Variants in IMMP2L observed in about 807,000 individuals in gnomAD.
The protein encoded by IMMP2L is mitochondrial inner membrane protease subunit 2.
Under a neutral mutation model 19.3 loss-of-function variants are expected in IMMP2L, and 18 were observed. The observed-to-expected ratio is 0.93, with a 90% CI of 0.64 to 1.38. The LOEUF (loss-of-function observed/expected upper bound fraction) is 1.38. Ranked by LOEUF, IMMP2L falls within the 40% of genes most tolerant of loss-of-function variation. The pLI is 0.00. For missense variants in IMMP2L, 233 were observed against 218.2 expected (o/e 1.07, Z -0.43); for synonymous variants, 76 against 73.0 (o/e 1.04, Z -0.21).
At chr7:110,851,928 T>A (rs1184998522) in intron 5 of IMMP2L, among the ~76,000 whole-genome samples, 1 of 152,102 alleles carries the variant, frequency 6.6e-6, no homozygotes, top group South Asian at 2.1e-4. Flanking sequence ...AGAGCTGGAG[T>A]CTACATCCCT....
intron 3 of IMMP2L, among the ~76,000 whole-genome samples, chr7:111,016,691 TTCTATATTATATATAATTTTA>T (rs1382281951): frequency 1.9e-5 from 2 of 103,954 alleles, no homozygotes; most frequent in African/African-American, 8.1e-5. Context: ...TAAATTATAT[TTCTATATTATATATAATTTTA>T]TATATATTTA....
intron 3 of IMMP2L, among the ~76,000 whole-genome samples, chr7:111,059,076 G>A (rs1489046168): frequency 2.0e-5 from 3 of 151,906 alleles, no homozygotes; most frequent in African/African-American, 7.3e-5. Context: ...TTTGCCTCCC[G>A]GGTTCAAGTG....
intron 3 of IMMP2L, among the ~76,000 whole-genome samples, chr7:111,268,592 T>C (rs1256177327): frequency 6.4e-5 from 6 of 93,992 alleles, no homozygotes; most frequent in African/African-American, 2.4e-4. Flanking sequence ...TTTTTTTTTT[T>C]TTTTTTTTTT....
intron 5 of IMMP2L, among the ~76,000 whole-genome samples, chr7:110,682,155 C>T (rs1171739683): frequency 6.6e-6 from 1 of 152,126 alleles, no homozygotes; most frequent in Admixed American, 6.6e-5. Flanking sequence ...TCACAGCACA[C>T]TCTGATCTCT....
chr7:111,480,787 A>G (rs1045020896), intron 3 of IMMP2L, among the ~76,000 whole-genome samples: 2 of 152,114 alleles, frequency 1.3e-5, no homozygotes, highest in Non-Finnish European at 2.9e-5. Context: ...ATAAGTATAC[A>G]CAATTATATT....
chr7:111,534,792 C>G (rs1323903328), intron 1 of IMMP2L, among the ~76,000 whole-genome samples: 1 of 152,134 alleles, frequency 6.6e-6, no homozygotes. Context: ...GTGAAAGTCT[C>G]ATTTGGTGGC....
intron 1 of IMMP2L, among the ~76,000 whole-genome samples, chr7:111,554,508 G>C (rs1468620235): frequency 6.6e-6 from 1 of 152,066 alleles, no homozygotes; most frequent in Non-Finnish European, 1.5e-5. Context: ...ATCACCTTTT[G>C]TGAGACCTTC....
At chr7:111,337,024 T>G (rs1166345777) in intron 3 of IMMP2L, among the ~76,000 whole-genome samples, 1 of 152,082 alleles carries the variant, frequency 6.6e-6, no homozygotes, top group Non-Finnish European at 1.5e-5. Flanking sequence ...AACTTTAAAT[T>G]TTAATCAAGT....
At chr7:110,755,730 A>G (rs1252815939) in intron 5 of IMMP2L, among the ~76,000 whole-genome samples, 1 of 152,086 alleles carries the variant, frequency 6.6e-6, no homozygotes, top group African/African-American at 2.4e-5. Context: ...TTAGAAGAGA[A>G]GCGGAAGTTT....
chr7:111,555,899 C>A (rs556100373), intron 1 of IMMP2L, among the ~76,000 whole-genome samples: 5 of 150,570 alleles, frequency 3.3e-5, no homozygotes, highest in South Asian at 2.1e-4. Flanking sequence ...AAAAGAGAAC[C>A]CTTGTATACT....
chr7:111,527,481 A>C (rs1217789418), intron 1 of IMMP2L, among the ~76,000 whole-genome samples: 3 of 150,974 alleles, frequency 2.0e-5, no homozygotes, highest in Admixed American at 6.6e-5. Context: ...CTTTATTTCT[A>C]TAACTTTTTA....
intron 3 of IMMP2L, among the ~76,000 whole-genome samples, chr7:111,441,548 T>A (rs1324828184): frequency 6.6e-6 from 1 of 151,510 alleles, no homozygotes; most frequent in Non-Finnish European, 1.5e-5. Flanking sequence ...GTTACAATGG[T>A]GACATCAAAA....
chr7:110,782,875 G>A (rs1461361170), intron 5 of IMMP2L, among the ~76,000 whole-genome samples: 1 of 151,810 alleles, frequency 6.6e-6, no homozygotes, highest in East Asian at 1.9e-4. Context: ...AAAGGACAGG[G>A]ATGTAGAAAG....
chr7:111,366,525 C>T (rs2131048399), intron 3 of IMMP2L, among the ~76,000 whole-genome samples: 1 of 151,822 alleles, frequency 6.6e-6, no homozygotes, highest in East Asian at 1.9e-4. Flanking sequence ...AAACAAAAAG[C>T]AAATGTTTAT....
At chr7:111,080,399 TAC>T (rs34792730) in intron 3 of IMMP2L, among the ~76,000 whole-genome samples, 3,937 of 151,702 alleles carry the variant, frequency 0.026, 90 homozygotes, top group Non-Finnish European at 0.037. Flanking sequence ...TATGTAAACA[TAC>T]ACACACACAC....
At chr7:111,343,030 A>G (rs775615528) in intron 3 of IMMP2L, among the ~76,000 whole-genome samples, 3 of 152,092 alleles carry the variant, frequency 2.0e-5, no homozygotes, top group Admixed American at 6.6e-5. Context: ...GTAGTTTCAA[A>G]CAGTCTCATT....
chr7:111,133,301 T>C (rs1802023208), intron 3 of IMMP2L, among the ~76,000 whole-genome samples: 2 of 152,132 alleles, frequency 1.3e-5, no homozygotes, highest in South Asian at 4.1e-4. Flanking sequence ...AGAGGGACGA[T>C]TACACATATT....
chr7:111,210,062 C>T (rs1811150063), intron 3 of IMMP2L, among the ~76,000 whole-genome samples: 1 of 152,138 alleles, frequency 6.6e-6, no homozygotes, highest in African/African-American at 2.4e-5. Flanking sequence ...TGAGCCTTTG[C>T]TTCAGAGTAG....
intron 1 of IMMP2L, among the ~76,000 whole-genome samples, chr7:111,546,043 GTATA>G (rs1232002989): frequency 2.6e-5 from 4 of 151,866 alleles, no homozygotes; most frequent in Non-Finnish European, 4.4e-5. Flanking sequence ...TTACATTTCA[GTATA>G]TATAAACTGC....
Sources: gnomAD v4.1 joint callset for allele counts (sites outside exome capture counted in the v4.1 genomes callset) on GRCh38, gnomAD v4.1.1 for gene constraint, MANE v1.5 for transcripts, NCBI Gene and HGNC (gene_info 2026-07-23, HGNC 2026-07-21) for gene names.